The following VAC14 variants were observed in gnomAD, a reference collection of about 807,000 sequenced individuals.
The protein encoded by VAC14 is protein VAC14 homolog.
VAC14 carries 47 observed loss-of-function variants against 85.3 expected under a neutral mutation model. The observed-to-expected ratio is 0.55, with a 90% CI of 0.44 to 0.70. VAC14 has a LOEUF of 0.70. Ranked by LOEUF, VAC14 falls within the 30% of genes least tolerant of loss-of-function variation. The pLI is 0.00. For synonymous variants in VAC14, 447 were observed against 430.5 expected, an observed-to-expected ratio of 1.04 and a Z score of -0.47; for missense variants, 861 against 1,004.3, an observed-to-expected ratio of 0.86 and a Z score of 1.93.
intron 12 of VAC14, among the ~76,000 whole-genome samples, chr16:70,756,443 C>T (rs376257335): frequency 2.2e-4 from 33 of 152,344 alleles, no homozygotes; most frequent in African/African-American, 5.3e-4. Context: ...ATGAACTCTC[C>T]CCTTCCTCCC....
At chr16:70,720,056 A>G (rs562326347) in intron 14 of VAC14, among the ~76,000 whole-genome samples, 20 of 152,300 alleles carry the variant, frequency 1.3e-4, no homozygotes, top group South Asian at 1.2e-3. Context: ...CACAAACCCA[A>G]TGTGGATCCA....
chr16:70,763,976 A>G (rs1043360246), intron 10 of VAC14, among the ~76,000 whole-genome samples: 1 of 152,206 alleles, frequency 6.6e-6, no homozygotes, highest in African/African-American at 2.4e-5. Context: ...TACTTCCCAA[A>G]TGGTGCCGAC....
At position 70,762,772 on chromosome 16, in the gene VAC14, G is replaced by T; in HGVS notation, c.1305+109C>A. The T allele has an allele frequency of 6.4e-7, 1 of 1,558,800 alleles. No individual in the cohort carries two copies. Among genetic ancestry groups the T allele is most frequent in the Non-Finnish European group, 8.7e-7 (1 of 1,143,638 alleles). On this transcript the variant is annotated intron_variant, in intron 11 of 18. Transcript: ENST00000261776. This position sits in a 1 kb window ranked among gnomAD's most constrained non-coding sequence, Gnocchi z 4.1. ...GCACCTGTCACTTCTCTGCCGGCCAGGGTTTCCCTAGAAGGGCAATGACCA... is the reference window on the plus strand; with the variant it reads ...GCACCTGTCACTTCTCTGCCGGCCATGGTTTCCCTAGAAGGGCAATGACCA...
Position 70,744,419 on chromosome 16 carries a change from T to C in VAC14, c.1528+4A>G. Reference sequence around the variant, plus strand: ...GAGGCTAGAACCTTCAGGAGAAGACTTACCAGAGGTGTTCAGTAGGCCGGC... The same window carrying C: ...GAGGCTAGAACCTTCAGGAGAAGACCTACCAGAGGTGTTCAGTAGGCCGGC... On this transcript the variant is annotated splice_donor_region_variant and intron_variant, in intron 13 of 18. Coordinates refer to ENST00000261776, the MANE Select transcript of VAC14 (RefSeq NM_018052.5). The C allele has an allele frequency of 6.2e-7, 1 of 1,613,970 alleles. No homozygotes were observed. Among genetic ancestry groups the C allele is most frequent in the Non-Finnish European group, 8.5e-7 (1 of 1,179,980 alleles).
intron 9 of VAC14, chr16:70,772,383 A>G (rs2033283834): frequency 1.8e-6 from 1 of 546,954 alleles, no homozygotes; most frequent in Non-Finnish European, 3.3e-6. Flanking sequence ...AGTCACAGTG[A>G]TCTCACAAGG....
chr16:70,720,746 G>C (rs1043515292), intron 14 of VAC14, among the ~76,000 whole-genome samples: 2 of 152,232 alleles, frequency 1.3e-5, no homozygotes, highest in African/African-American at 2.4e-5. Context: ...GCTCTCCTGG[G>C]GTACTGAGGA....
intron 13 of VAC14, among the ~76,000 whole-genome samples, chr16:70,737,703 G>T (rs961963069): frequency 2.6e-5 from 4 of 152,234 alleles, no homozygotes; most frequent in African/African-American, 9.6e-5. Flanking sequence ...ACCTGATGTG[G>T]TGACATGAGA....
intron 10 of VAC14, chr16:70,768,276 CG>C: frequency 6.4e-6 from 1 of 156,182 alleles, no homozygotes; most frequent in Non-Finnish European, 1.4e-5. Context: ...GAAACTGAGG[CG>C]GGGGAAATCA....
chr16:70,740,169 C>T (rs531099001), intron 13 of VAC14, among the ~76,000 whole-genome samples: 14 of 152,260 alleles, frequency 9.2e-5, no homozygotes, highest in African/African-American at 3.4e-4. Flanking sequence ...CCATGCTGGC[C>T]AGGCTGGTCT....
rs190938526 is a variant in VAC14 at position 70,794,056 on chromosome 16, A to G, written c.104+6741T>C. Among the ~76,000 whole-genome samples, 652 of 152,332 alleles carry G rather than the reference A, an allele frequency of 4.3e-3. 19 individuals carry two copies. Among genetic ancestry groups the G allele is most frequent in the Non-Finnish European group, 6.5e-4 (44 of 68,034 alleles). ...CAGTGACAGCAGGAGGCTTGTTTTG[A>G]TCTCGGGTGACAGTAGTTGTGACTA... On this transcript the variant is annotated intron_variant, in intron 1 of 18. Coordinates refer to ENST00000261776, the MANE Select transcript of VAC14 (RefSeq NM_018052.5).
At position 70,695,696 on chromosome 16, in the gene VAC14, C is replaced by A. The variant is rs1039472793; in HGVS notation, c.1956-73G>T. ...CAGCTCACAGCACCACACGCCCTCC[C>A]CCCCTGCACCTGGCTTCCTGTGCAC... is the stretch of plus-strand genomic sequence containing the variant. On this transcript the variant is annotated intron_variant, in intron 16 of 18. Coordinates refer to ENST00000261776, the MANE Select transcript of VAC14 (RefSeq NM_018052.5). The A allele has an allele frequency of 1.2e-5, 17 of 1,444,076 alleles. No homozygotes were observed. The Admixed American group carries it at 2.4e-4, about 20-fold the overall frequency. The allele number at this position is 1,444,076 out of a possible 1,614,324, so 89.5% of individuals were successfully genotyped here.
At chr16:70,695,392 C>A (rs762691952) in intron 17 of VAC14, 152 bp downstream of exon 17, 38 of 745,246 alleles carry the variant, frequency 5.1e-5, no homozygotes, top group Non-Finnish European at 7.4e-5. Context: ...GATTATAAGT[C>A]TCACATTCTC....
In VAC14 at chr16:70,694,327, C is replaced by T. The variant is rs534837767; in HGVS notation, c.2035+1217G>A. ...GGTCTTTTTAGGATCTGACCTCAGG[C>T]GGCCGTGTGGGTGCCTGTGTCCCTG... On this transcript the variant is annotated intron_variant, in intron 17 of 18. Transcript: ENST00000261776. Among the ~76,000 whole-genome samples, 15 of 152,290 alleles carry T rather than the reference C, an allele frequency of 9.8e-5. 1 individual carries two copies. Among genetic ancestry groups the T allele is most frequent in the South Asian group, 6.2e-4 (3 of 4,834 alleles).
intron 13 of VAC14, among the ~76,000 whole-genome samples, chr16:70,743,070 C>T (rs751356129): frequency 4.0e-5 from 6 of 151,782 alleles, no homozygotes; most frequent in East Asian, 1.9e-4. Flanking sequence ...GGATTGTAAA[C>T]GCACCAATCA....
At chr16:70,736,299 C>G (rs2054750161) in intron 13 of VAC14, among the ~76,000 whole-genome samples, 1 of 152,224 alleles carries the variant, frequency 6.6e-6, no homozygotes, top group African/African-American at 2.4e-5. Context: ...ACGGGGGCTC[C>G]TTTTTATTAG....
chr16:70,719,828 T>A (rs1013289091), intron 14 of VAC14, among the ~76,000 whole-genome samples: 1 of 152,194 alleles, frequency 6.6e-6, no homozygotes, highest in Non-Finnish European at 1.5e-5. Flanking sequence ...CCATGGTATG[T>A]CTGCTTGCCA....
At chr16:70,755,944 G>A in intron 12 of VAC14, 3 of 453,268 alleles carry the variant, frequency 6.6e-6, no homozygotes, top group Non-Finnish European at 1.3e-5. Context: ...CAGCTCGGGG[G>A]TTTGGGGCTT....
intron 14 of VAC14, among the ~76,000 whole-genome samples, chr16:70,701,965 C>T (rs1433019338): frequency 1.3e-5 from 2 of 152,214 alleles, no homozygotes. Flanking sequence ...GCCTGGGCTC[C>T]AACCTCAGGT....
chr16:70,730,196 A>G (rs1567545715), intron 14 of VAC14, among the ~76,000 whole-genome samples: 1 of 151,846 alleles, frequency 6.6e-6, no homozygotes, highest in Non-Finnish European at 1.5e-5. Flanking sequence ...ACAAGCTGCC[A>G]CAGTCTCTGC....
Sources: allele counts gnomAD v4.1 joint callset (sites outside exome capture counted in the v4.1 genomes callset), GRCh38; gene constraint gnomAD v4.1.1; non-coding constraint Gnocchi (gnomAD v3.1); transcripts MANE v1.5; gene names NCBI Gene and HGNC (gene_info 2026-07-23, HGNC 2026-07-21).